TRAF3: variants seen among roughly 807,000 people sequenced by gnomAD.
TRAF3 encodes the protein TNF receptor associated factor 3.
Under a neutral mutation model 62.3 loss-of-function variants are expected in TRAF3, and 13 were observed. That is an observed-to-expected ratio of 0.21 (90% CI 0.14 to 0.33). TRAF3 has a LOEUF of 0.33. TRAF3 is among the 10% of genes least tolerant of loss of function. The probability of loss-of-function intolerance (pLI) is 1.00; values close to 1 mark genes in which losing one functional copy is unlikely to be tolerated. For missense variants in TRAF3, 440 were observed against 741.8 expected (o/e 0.59, Z 4.73); for synonymous variants, 269 against 283.4 (o/e 0.95, Z 0.51).
chr14:102,778,497 A>G (rs1357474466), intron 1 of TRAF3, among the ~76,000 whole-genome samples: 1 of 152,254 alleles, frequency 6.6e-6, no homozygotes, highest in African/African-American at 2.4e-5. Flanking sequence ...CCTTCAGATT[A>G]CGAGCTGTTG....
chr14:102,832,682 A>AT (rs1453434921), intron 2 of TRAF3, among the ~76,000 whole-genome samples: 3 of 152,046 alleles, frequency 2.0e-5, no homozygotes, highest in Non-Finnish European at 4.4e-5. Flanking sequence ...CCCACCAAAA[A>AT]ATATATATAT....
chr14:102,855,369 A>G (rs774715920), intron 2 of TRAF3, among the ~76,000 whole-genome samples: 1 of 152,098 alleles, frequency 6.6e-6, no homozygotes, highest in Non-Finnish European at 1.5e-5. Flanking sequence ...GCTGGGTCAT[A>G]TGGTAAAATG....
At chr14:102,820,463 T>G (rs1462233596) in intron 1 of TRAF3, among the ~76,000 whole-genome samples, 1 of 151,008 alleles carries the variant, frequency 6.6e-6, no homozygotes, top group African/African-American at 2.4e-5. Flanking sequence ...TTTTTCTGAC[T>G]TTTTAAATAT....
intron 9 of TRAF3, among the ~76,000 whole-genome samples, chr14:102,897,032 C>T (rs1056958293): frequency 6.6e-6 from 1 of 151,964 alleles, no homozygotes; most frequent in Non-Finnish European, 1.5e-5. Flanking sequence ...TATGATTGCA[C>T]CACTGCACTC....
chr14:102,781,159 A>T (rs1464958516), intron 1 of TRAF3, among the ~76,000 whole-genome samples: 1 of 140,368 alleles, frequency 7.1e-6, no homozygotes, highest in East Asian at 2.1e-4. Flanking sequence ...TAGTGGGGCC[A>T]TCTGGTCCCT....
intron 1 of TRAF3, among the ~76,000 whole-genome samples, chr14:102,798,980 G>A (rs545154722): frequency 4.6e-5 from 7 of 152,192 alleles, no homozygotes; most frequent in African/African-American, 1.7e-4. Flanking sequence ...AGCTAATACC[G>A]AGGTCAGAAT....
At chr14:102,853,514 T>G (rs1457030164) in intron 2 of TRAF3, among the ~76,000 whole-genome samples, 1 of 152,136 alleles carries the variant, frequency 6.6e-6, no homozygotes, top group African/African-American at 2.4e-5. Flanking sequence ...CCACTTAAAG[T>G]GTACAACTCA....
At chr14:102,799,598 A>G (rs1278042537) in intron 1 of TRAF3, among the ~76,000 whole-genome samples, 2 of 152,094 alleles carry the variant, frequency 1.3e-5, no homozygotes, top group Non-Finnish European at 2.9e-5. Flanking sequence ...CTACAGGCAC[A>G]TGCCACCATA....
chr14:102,868,130 T>C (rs1179053070), intron 2 of TRAF3, among the ~76,000 whole-genome samples: 2 of 152,178 alleles, frequency 1.3e-5, no homozygotes, highest in Non-Finnish European at 2.9e-5. Context: ...TTTTTCTAAG[T>C]AGCAAAAATA....
At chr14:102,880,746 G>A (rs1324445581) in intron 6 of TRAF3, among the ~76,000 whole-genome samples, 4 of 152,202 alleles carry the variant, frequency 2.6e-5, no homozygotes, top group Admixed American at 6.5e-5. Context: ...AAGAAAATGT[G>A]GTACATCTAT....
At chr14:102,863,223 C>T (rs1220416580) in intron 2 of TRAF3, among the ~76,000 whole-genome samples, 9 of 152,082 alleles carry the variant, frequency 5.9e-5, no homozygotes, top group East Asian at 1.9e-4. Context: ...GAATTTTTAC[C>T]GTGGCAACTC....
chr14:102,840,400 T>A (rs955543227), intron 2 of TRAF3, among the ~76,000 whole-genome samples: 6 of 151,932 alleles, frequency 3.9e-5, no homozygotes, highest in African/African-American at 1.5e-4. Flanking sequence ...CTGGATAATT[T>A]TTTATTTTTT....
intron 1 of TRAF3, among the ~76,000 whole-genome samples, chr14:102,796,358 G>A (rs186146170): frequency 2.0e-5 from 3 of 152,364 alleles, no homozygotes; most frequent in Admixed American, 2.0e-4. Flanking sequence ...CTTCATCTGT[G>A]TCTTCTGCAG....
At chr14:102,787,939 C>T (rs1396097077) in intron 1 of TRAF3, among the ~76,000 whole-genome samples, 30 of 150,530 alleles carry the variant, frequency 2.0e-4, no homozygotes, top group African/African-American at 7.3e-5. Flanking sequence ...GCAACCTATG[C>T]GTCCCAGGTT....
At chr14:102,896,633 G>A (rs1890023085) in intron 9 of TRAF3, among the ~76,000 whole-genome samples, 1 of 152,160 alleles carries the variant, frequency 6.6e-6, no homozygotes, top group South Asian at 2.1e-4. Flanking sequence ...AAAATACTCT[G>A]ATAAAAGATT....
rs557123988 is a variant in TRAF3 at position 102,903,492 on chromosome 14, G to A, written c.1135+63G>A. 3.4e-5 allele frequency: 55 copies of A among 1,606,292 alleles called. No homozygotes were observed. The South Asian group carries it at 3.9e-4, about 11-fold the overall frequency. ...CTGGGCCCCGGGCGAGTGCTGGGGC[G>A]GGGTCCGTGGGATGAGGGCTATGTT... On this transcript the variant is annotated intron_variant, in intron 11 of 11. Transcript: ENST00000392745. The surrounding 1 kb of genome is among the most constrained non-coding windows in gnomAD (Gnocchi z 6.4).
At chr14:102,806,954 A>G (rs1263061869) in intron 1 of TRAF3, among the ~76,000 whole-genome samples, 2 of 152,104 alleles carry the variant, frequency 1.3e-5, no homozygotes, top group Non-Finnish European at 2.9e-5. Context: ...TCCAGATGCT[A>G]GAAGACTGGG....
intron 2 of TRAF3, among the ~76,000 whole-genome samples, chr14:102,848,382 T>G (rs1019678637): frequency 1.3e-5 from 2 of 152,192 alleles, no homozygotes; most frequent in South Asian, 2.1e-4. Context: ...TGAGCTAGGA[T>G]CATGCCACTG....
intron 3 of TRAF3, among the ~76,000 whole-genome samples, chr14:102,871,239 C>T (rs1275471005): frequency 6.6e-6 from 1 of 152,256 alleles, no homozygotes; most frequent in African/African-American, 2.4e-5. Context: ...CCTTCACCCT[C>T]CCCCTTCTCC....
Sources: allele counts gnomAD v4.1 joint callset (sites outside exome capture counted in the v4.1 genomes callset), GRCh38; gene constraint gnomAD v4.1.1; non-coding constraint Gnocchi (gnomAD v3.1); transcripts MANE v1.5; gene names NCBI Gene and HGNC (gene_info 2026-07-23, HGNC 2026-07-21).